Variants in SMAP1 observed in about 807,000 individuals in gnomAD.
SMAP1 encodes small ArfGAP 1, also known as stromal membrane-associated protein 1.
Under a neutral mutation model 58.5 loss-of-function variants are expected in SMAP1, and 24 were observed. That is an observed-to-expected ratio of 0.41 (90% confidence interval 0.30 to 0.58). The LOEUF (loss-of-function observed/expected upper bound fraction) is 0.58. Among genes scored for constraint, SMAP1 ranks in the 20% least tolerant of loss-of-function variants. The probability of loss-of-function intolerance (pLI) is 0.29; values close to 1 mark genes in which losing one functional copy is unlikely to be tolerated. For synonymous variants in SMAP1, 216 were observed against 196.6 expected (o/e 1.10, Z -0.82); for missense variants, 563 against 566.3 (o/e 0.99, Z 0.06).
intron 4 of SMAP1, among the ~76,000 whole-genome samples, chr6:70,783,304 G>A (rs1388722126): frequency 2.0e-5 from 3 of 152,126 alleles, no homozygotes; most frequent in Admixed American, 1.3e-4. Flanking sequence ...CCATCTGTAC[G>A]TCACCATCAT....
At chr6:70,679,739 G>A (rs1033232439) in intron 1 of SMAP1, among the ~76,000 whole-genome samples, 1 of 152,146 alleles carries the variant, frequency 6.6e-6, no homozygotes, top group African/African-American at 2.4e-5. Flanking sequence ...CTAAAGAAGT[G>A]GAGAGAGGTA....
At chr6:70,787,681 C>CA (rs1459581353) in intron 4 of SMAP1, among the ~76,000 whole-genome samples, 2 of 151,654 alleles carry the variant, frequency 1.3e-5, no homozygotes, top group Admixed American at 6.6e-5. Flanking sequence ...TTTATGCAGC[C>CA]AAAAAACACA....
At position 70,667,946 on chromosome 6, in the gene SMAP1, G is replaced by C. The variant is rs2128545172; in HGVS notation, c.-78G>C. The C allele has an allele frequency of 3.1e-6, 4 of 1,307,008 alleles. No individual in the cohort carries two copies. 81.0% of individuals were successfully genotyped at this position (1,307,008 alleles called of 1,614,324 possible). On this transcript the variant is annotated 5_prime_UTR_variant, in exon 1 of 11. Transcript: ENST00000370455. ...TCCGCCCGCGGTCCCGGCGGCGCCAGGTGCGTTCACTCTGCCCGGCTCCAG... is the reference window on the plus strand; with the variant it reads ...TCCGCCCGCGGTCCCGGCGGCGCCACGTGCGTTCACTCTGCCCGGCTCCAG...
intron 4 of SMAP1, among the ~76,000 whole-genome samples, chr6:70,782,916 A>G (rs771370121): frequency 3.0e-4 from 45 of 152,012 alleles, no homozygotes; most frequent in Non-Finnish European, 5.3e-4. Context: ...CTGCATTTCC[A>G]TCTGAGCTTT....
At chr6:70,794,901 G>T (rs946827090) in intron 5 of SMAP1, among the ~76,000 whole-genome samples, 1 of 149,798 alleles carries the variant, frequency 6.7e-6, no homozygotes, top group Admixed American at 6.8e-5. Flanking sequence ...CCATTCTCCT[G>T]CCTCAGCCTC....
At chr6:70,791,872 T>G in intron 5 of SMAP1, 103 bp downstream of exon 5, 1 of 912,610 alleles carries the variant, frequency 1.1e-6, no homozygotes, top group Non-Finnish European at 1.6e-6. Context: ...TGTTGATATT[T>G]TGAATGATCC....
At chr6:70,752,036 G>A (rs867437155) in intron 2 of SMAP1, among the ~76,000 whole-genome samples, 1 of 152,134 alleles carries the variant, frequency 6.6e-6, no homozygotes, top group South Asian at 2.1e-4. Context: ...CAACAGGAAT[G>A]ATGTTTTAAT....
rs374752552 is a variant in SMAP1 at position 70,836,963 on chromosome 6, T to G, written c.599T>G (p.Leu200Arg). 1 of 1,601,202 alleles carries G rather than the reference T, an allele frequency of 6.2e-7. No individual in the cohort carries two copies. Among genetic ancestry groups the G allele is most frequent in the Non-Finnish European group, 8.5e-7 (1 of 1,174,478 alleles). ...AEKLQKKDQQLEPKKSTSPKK... is the reference protein window; with the variant it reads ...AEKLQKKDQQREPKKSTSPKK... Reference sequence around the variant, plus strand: ...AAGCTGCAGAAGAAAGATCAGCAACTGGAGCCTAAAAAAAGTACCAGCCCT... The same window carrying G: ...AAGCTGCAGAAGAAAGATCAGCAACGGGAGCCTAAAAAAAGTACCAGCCCT... Residue 200 changes from leucine (L) to arginine (R), a missense_variant, in exon 7 of 11, where the codon CTG becomes CGG. Around this residue, in one of 3 missense-constraint regions of SMAP1, gnomAD observed 494 missense variants for 473.8 expected, o/e 1.04. Transcript: ENST00000370455.
chr6:70,782,952 C>T (rs551224058), intron 4 of SMAP1, among the ~76,000 whole-genome samples: 15 of 152,280 alleles, frequency 9.9e-5, no homozygotes, highest in Admixed American at 5.2e-4. Flanking sequence ...TCTCCCAGCA[C>T]GCAGCTGGAG....
intron 1 of SMAP1, among the ~76,000 whole-genome samples, chr6:70,717,722 G>A (rs949047189): frequency 1.3e-5 from 2 of 152,158 alleles, no homozygotes; most frequent in African/African-American, 4.8e-5. Context: ...CACATTTTCA[G>A]ATCACATTTT....
chr6:70,784,741 A>G (rs1012250269), intron 4 of SMAP1, among the ~76,000 whole-genome samples: 1 of 152,254 alleles, frequency 6.6e-6, no homozygotes, highest in Admixed American at 6.5e-5. Flanking sequence ...TCAATTCAAC[A>G]AGAAGAGCTA....
intron 6 of SMAP1, among the ~76,000 whole-genome samples, chr6:70,819,012 T>C (rs1769767464): frequency 6.6e-6 from 1 of 152,178 alleles, no homozygotes; most frequent in Admixed American, 6.6e-5. Flanking sequence ...CTACAGCTAT[T>C]AGTGGTCACT....
chr6:70,800,713 G>T (rs1768806518), intron 6 of SMAP1, among the ~76,000 whole-genome samples: 1 of 145,752 alleles, frequency 6.9e-6, no homozygotes. Context: ...TCCCTGCCCT[G>T]TGTCCAAGTG....
At chr6:70,719,477 T>A (rs1414611129) in intron 1 of SMAP1, among the ~76,000 whole-genome samples, 1 of 152,204 alleles carries the variant, frequency 6.6e-6, no homozygotes, top group African/African-American at 2.4e-5. Context: ...TTACCACACT[T>A]ATTCTCTTTG....
chr6:70,827,469 A>G (rs1165719498), intron 6 of SMAP1, among the ~76,000 whole-genome samples: 1 of 152,300 alleles, frequency 6.6e-6, no homozygotes, highest in African/African-American at 2.4e-5. Flanking sequence ...CAGCTCCACA[A>G]ATTTATTCCT....
intron 1 of SMAP1, among the ~76,000 whole-genome samples, chr6:70,719,479 T>C (rs918303220): frequency 1.3e-5 from 2 of 152,208 alleles, no homozygotes; most frequent in African/African-American, 2.4e-5. Context: ...ACCACACTTA[T>C]TCTCTTTGTC....
chr6:70,805,603 G>C (rs1769090504), intron 6 of SMAP1, among the ~76,000 whole-genome samples: 1 of 152,126 alleles, frequency 6.6e-6, no homozygotes, highest in South Asian at 2.1e-4. Context: ...ATAATTTTCA[G>C]CTTTTCTGCT....
chr6:70,748,797 TC>T (rs1325206042), intron 2 of SMAP1, among the ~76,000 whole-genome samples: 5 of 152,170 alleles, frequency 3.3e-5, no homozygotes, highest in African/African-American at 9.6e-5. Flanking sequence ...CCCTCCCACT[TC>T]TGTCTCTGTC....
intron 2 of SMAP1, among the ~76,000 whole-genome samples, chr6:70,749,055 T>C (rs1766164756): frequency 6.6e-6 from 1 of 152,100 alleles, no homozygotes; most frequent in Admixed American, 6.5e-5. Context: ...CACCTGAGAC[T>C]GGGTAATTTA....
Sources: gnomAD v4.1 joint callset for allele counts (sites outside exome capture counted in the v4.1 genomes callset) on GRCh38, gnomAD v4.1.1 for gene constraint, gnomAD v4.1.1 regional missense constraint, MANE v1.5 for transcripts, NCBI Gene and HGNC (gene_info 2026-07-23, HGNC 2026-07-21) for gene names.